Variants in PLXDC2 observed in about 807,000 individuals in gnomAD.
The protein encoded by PLXDC2 is plexin domain-containing protein 2.
A neutral mutation model predicts 68.9 loss-of-function variants in PLXDC2; 40 were observed. The ratio of observed to expected loss-of-function variants is 0.58; its 90% confidence interval spans 0.45 to 0.76. The LOEUF (loss-of-function observed/expected upper bound fraction) is 0.76, where lower values mean the gene tolerates loss of function less well. PLXDC2 is among the 30% of genes least tolerant of loss of function. The probability of loss-of-function intolerance (pLI) is 0.00; values close to 1 mark genes in which losing one functional copy is unlikely to be tolerated. For missense variants in PLXDC2, 644 were observed against 661.9 expected (o/e 0.97, Z 0.30); for synonymous variants, 243 against 234.2 (o/e 1.04, Z -0.34).
intron 12 of PLXDC2, among the ~76,000 whole-genome samples, chr10:20,231,649 T>TC (rs1436846638): frequency 6.6e-6 from 1 of 151,470 alleles, no homozygotes; most frequent in Non-Finnish European, 1.5e-5. Flanking sequence ...GTCATAAGCT[T>TC]TTTTTTTGAA....
At chr10:20,238,182 A>G (rs1008632774) in intron 12 of PLXDC2, among the ~76,000 whole-genome samples, 1 of 149,464 alleles carries the variant, frequency 6.7e-6, no homozygotes, top group Non-Finnish European at 1.5e-5. Context: ...ATATACAAAT[A>G]TATATATAGC....
intron 9 of PLXDC2, among the ~76,000 whole-genome samples, chr10:20,186,601 G>C (rs1047752496): frequency 4.0e-5 from 6 of 151,792 alleles, no homozygotes; most frequent in South Asian, 2.1e-4. Flanking sequence ...AGTATGTGTT[G>C]TTCCCCTCTT....
At chr10:19,934,933 CAGGAGATGTGTTGACTTGT>C (rs1226101047) in intron 1 of PLXDC2, among the ~76,000 whole-genome samples, 4 of 152,168 alleles carry the variant, frequency 2.6e-5, no homozygotes, top group African/African-American at 9.7e-5. Flanking sequence ...TCATGTATCT[CAGGAGATGTGTTGACTTGT>C]AGGGTCCACA....
At chr10:19,829,739 T>C (rs73601614) in intron 1 of PLXDC2, among the ~76,000 whole-genome samples, 3,817 of 151,632 alleles carry the variant, frequency 0.025, 136 homozygotes, top group African/African-American at 0.086. Context: ...AAAGTAAAAA[T>C]TTAAAAAAAA....
chr10:20,104,480 C>T (rs532158441), intron 4 of PLXDC2, among the ~76,000 whole-genome samples: 72 of 152,180 alleles, frequency 4.7e-4, no homozygotes, highest in African/African-American at 1.6e-3. Context: ...TGACAGCATT[C>T]TGTAATACAT....
chr10:20,133,010 A>T lies in PLXDC2; in HGVS notation c.542-10285A>T, dbSNP rs558326798. Among the ~76,000 whole-genome samples, 241 of 152,166 alleles carry T rather than the reference A, an allele frequency of 1.6e-3. 1 individual carries two copies. The highest frequency in any genetic ancestry group is 5.6e-3 in the African/African-American group (232 of 41,524). Reference sequence around the variant, plus strand: ...TACCATCAATTTTTCCTTCGTGGTTACCACTAAGCTTACATAAGACATCTT... The same window carrying T: ...TACCATCAATTTTTCCTTCGTGGTTTCCACTAAGCTTACATAAGACATCTT... On this transcript the variant is annotated intron_variant, in intron 4 of 13. Coordinates refer to ENST00000377252, the MANE Select transcript of PLXDC2 (RefSeq NM_032812.9).
intron 2 of PLXDC2, among the ~76,000 whole-genome samples, chr10:20,026,079 A>T (rs1479487953): frequency 6.6e-6 from 1 of 152,124 alleles, no homozygotes; most frequent in African/African-American, 2.4e-5. Flanking sequence ...CGATTATTCA[A>T]TTGAGTTCCT....
rs547668135 is a variant in PLXDC2, at chr10:19,904,912, C to G, written c.112+87721C>G. 6.0e-4 allele frequency among the ~76,000 whole-genome samples: 91 copies of G among 152,198 alleles called. 1 individual carries two copies. Among genetic ancestry groups the G allele is most frequent in the African/African-American group, 2.1e-3 (86 of 41,540 alleles). On this transcript the variant is annotated intron_variant, in intron 1 of 13. Coordinates refer to ENST00000377252, the MANE Select transcript of PLXDC2 (RefSeq NM_032812.9). ...ACTACTACTTCTTGGGAAGTGAGAC[C>G]CTCTTTAATCTCCACTTCACCTAGT...
chr10:20,156,233 G>A (rs1834215200), intron 6 of PLXDC2, among the ~76,000 whole-genome samples: 1 of 152,128 alleles, frequency 6.6e-6, no homozygotes, highest in Non-Finnish European at 1.5e-5. Flanking sequence ...TGGGCACCCT[G>A]CGTCACTGTC....
rs918422476 is a variant in PLXDC2 at position 20,287,976 on chromosome 10, C to T, written c.*8157C>T. The T allele has an allele frequency of 7.4e-4, 2 of 2,712 alleles. No homozygotes were observed. The highest frequency in any genetic ancestry group is 4.7e-3 in the Admixed American group (1 of 214). 0.2% of individuals were successfully genotyped at this position (2,712 alleles called of 1,614,324 possible). On this transcript the variant is annotated 3_prime_UTR_variant, in exon 14 of 14. Transcript: ENST00000377252. ...AAGAGAAGAAATTGGGCACTTCTTGCGGCGGGGGAGGGGGGGGGGGCGGTG... is the reference window on the plus strand; with the variant it reads ...AAGAGAAGAAATTGGGCACTTCTTGTGGCGGGGGAGGGGGGGGGGGCGGTG...
intron 1 of PLXDC2, among the ~76,000 whole-genome samples, chr10:19,941,077 T>C (rs1161030407): frequency 2.6e-5 from 4 of 152,214 alleles, no homozygotes; most frequent in Non-Finnish European, 5.9e-5. Flanking sequence ...AAAGAATTCT[T>C]CATCCCTAGT....
intron 2 of PLXDC2, among the ~76,000 whole-genome samples, chr10:20,018,140 G>A (rs1231253245): frequency 1.3e-5 from 2 of 152,142 alleles, no homozygotes; most frequent in African/African-American, 4.8e-5. Context: ...TATTTCTACA[G>A]GGCCATCTCT....
chr10:19,881,667 A>G (rs907813043), intron 1 of PLXDC2, among the ~76,000 whole-genome samples: 2 of 152,222 alleles, frequency 1.3e-5, no homozygotes, highest in Non-Finnish European at 2.9e-5. Flanking sequence ...GATTTGTTAC[A>G]TTATTGAGAA....
At chr10:20,037,304 G>T (rs140892952) in intron 2 of PLXDC2, among the ~76,000 whole-genome samples, 1 of 150,326 alleles carries the variant, frequency 6.7e-6, no homozygotes, top group Non-Finnish European at 1.5e-5. Flanking sequence ...TTGTAAGTTG[G>T]CAGTTCACCT....
At chr10:20,041,039 T>G (rs1316558336) in intron 2 of PLXDC2, among the ~76,000 whole-genome samples, 1 of 152,184 alleles carries the variant, frequency 6.6e-6, no homozygotes, top group Non-Finnish European at 1.5e-5. Context: ...AAATGGTCAT[T>G]TTTCCCTTTA....
chr10:20,107,393 G>T (rs1013981673), intron 4 of PLXDC2, among the ~76,000 whole-genome samples: 1 of 152,096 alleles, frequency 6.6e-6, no homozygotes, highest in Admixed American at 6.6e-5. Context: ...TTCTAGAAGA[G>T]ACTAACTTTG....
At chr10:20,037,476 A>C (rs969106008) in intron 2 of PLXDC2, among the ~76,000 whole-genome samples, 1 of 152,084 alleles carries the variant, frequency 6.6e-6, no homozygotes, top group Middle Eastern at 3.2e-3. Flanking sequence ...CGTGATTTAC[A>C]TTAGGTATAT....
Position 20,087,982 on chromosome 10 carries a change from T to C in PLXDC2, c.541+19743T>C, listed in dbSNP as rs76599047. On this transcript the variant is annotated intron_variant, in intron 4 of 13. Transcript: ENST00000377252. Reference sequence around the variant, plus strand: ...TTAACTTGAACGCTAATGAAGTGCATTTTAGCCCATGTAGAATGAAAGAAA... The same window carrying C: ...TTAACTTGAACGCTAATGAAGTGCACTTTAGCCCATGTAGAATGAAAGAAA... Among the ~76,000 whole-genome samples the C allele has an allele frequency of 9.6e-3, 1,457 of 152,310 alleles. 27 individuals carry two copies. Among genetic ancestry groups the C allele is most frequent in the African/African-American group, 0.034 (1,401 of 41,570 alleles).
At chr10:20,139,229 C>G (rs1170266915) in intron 4 of PLXDC2, among the ~76,000 whole-genome samples, 1 of 152,200 alleles carries the variant, frequency 6.6e-6, no homozygotes, top group Non-Finnish European at 1.5e-5. Context: ...CAGAATTTGA[C>G]TCTGGTTTTA....
Sources: allele counts gnomAD v4.1 joint callset (sites outside exome capture counted in the v4.1 genomes callset), GRCh38; gene constraint gnomAD v4.1.1; transcripts MANE v1.5; gene names NCBI Gene and HGNC (gene_info 2026-07-23, HGNC 2026-07-21).